Variants in BANK1 observed in about 807,000 individuals in gnomAD.
BANK1 encodes B-cell scaffold protein with ankyrin repeats.
BANK1 carries 95 observed loss-of-function variants against 94.5 expected under a neutral mutation model. The observed-to-expected ratio is 1.00, with a 90% CI of 0.85 to 1.19. The LOEUF is 1.19. BANK1 is among the 50% of genes most tolerant of loss of function. The probability of loss-of-function intolerance (pLI) is 0.00; values close to 1 mark genes in which losing one functional copy is unlikely to be tolerated. For synonymous variants in BANK1, 334 were observed against 308.4 expected (o/e 1.08, Z -0.87); for missense variants, 987 against 932.2 (o/e 1.06, Z -0.77).
chr4:102,011,673 G>T (rs111658204), intron 7 of BANK1, among the ~76,000 whole-genome samples: 366 of 152,240 alleles, frequency 2.4e-3, no homozygotes, highest in Non-Finnish European at 4.5e-3. Flanking sequence ...GTGGGGGGAA[G>T]TATGTTTCTT....
intron 14 of BANK1, among the ~76,000 whole-genome samples, chr4:102,071,584 C>A (rs543257974): frequency 6.6e-6 from 1 of 152,304 alleles, no homozygotes; most frequent in Non-Finnish European, 1.5e-5. Flanking sequence ...TGTGGCAAGT[C>A]ACTTACGCTC....
chr4:102,033,527 A>T (rs1727398862), intron 10 of BANK1, among the ~76,000 whole-genome samples: 1 of 152,212 alleles, frequency 6.6e-6, no homozygotes, highest in Non-Finnish European at 1.5e-5. Context: ...AAGTATGTAA[A>T]TTTTGTACAT....
chr4:101,944,860 T>C (rs1723878129), intron 7 of BANK1, among the ~76,000 whole-genome samples: 1 of 151,984 alleles, frequency 6.6e-6, no homozygotes, highest in African/African-American at 2.4e-5. Context: ...AAAGTTTGCA[T>C]GTGGAGTGAG....
intron 6 of BANK1, among the ~76,000 whole-genome samples, chr4:101,912,221 C>G (rs1483218328): frequency 6.6e-6 from 1 of 152,110 alleles, no homozygotes; most frequent in Non-Finnish European, 1.5e-5. Flanking sequence ...CCACTGTATA[C>G]CACACTCTAT....
chr4:101,938,557 G>A (rs1168643583), intron 7 of BANK1, among the ~76,000 whole-genome samples: 1 of 151,420 alleles, frequency 6.6e-6, no homozygotes, highest in Admixed American at 6.6e-5. Flanking sequence ...AATATTTCAT[G>A]TACCCCTTAA....
At chr4:101,877,312 G>A (rs951240155) in intron 5 of BANK1, among the ~76,000 whole-genome samples, 1 of 152,146 alleles carries the variant, frequency 6.6e-6, no homozygotes, top group Non-Finnish European at 1.5e-5. Flanking sequence ...AAGGATGTCT[G>A]TGAGCAATAA....
At chr4:101,963,625 A>ATT (rs1361080131) in intron 7 of BANK1, among the ~76,000 whole-genome samples, 1 of 152,148 alleles carries the variant, frequency 6.6e-6, no homozygotes, top group Non-Finnish European at 1.5e-5. Context: ...CTATTTATTC[A>ATT]TTAATTCATT....
At chr4:101,917,119 C>A (rs1337290626) in intron 6 of BANK1, among the ~76,000 whole-genome samples, 1 of 151,882 alleles carries the variant, frequency 6.6e-6, no homozygotes, top group Non-Finnish European at 1.5e-5. Flanking sequence ...GGCTGTTTTC[C>A]ATTGCTTTAA....
At chr4:101,996,660 G>A (rs1338474245) in intron 7 of BANK1, among the ~76,000 whole-genome samples, 1 of 152,144 alleles carries the variant, frequency 6.6e-6, no homozygotes, top group African/African-American at 2.4e-5. Flanking sequence ...CTTGTAAGTT[G>A]TATTCCTAGG....
At chr4:101,886,765 G>T (rs1002023397) in intron 5 of BANK1, among the ~76,000 whole-genome samples, 23 of 147,758 alleles carry the variant, frequency 1.6e-4, no homozygotes, top group Middle Eastern at 3.4e-3. Context: ...ATATATTGGG[G>T]GGGGGGGCAT....
intron 5 of BANK1, among the ~76,000 whole-genome samples, chr4:101,878,217 C>T (rs1014380325): frequency 1.3e-5 from 2 of 151,694 alleles, no homozygotes; most frequent in African/African-American, 4.8e-5. Context: ...ACAAGAAATG[C>T]ACTCTATAAA....
intron 7 of BANK1, among the ~76,000 whole-genome samples, chr4:101,986,807 A>ATATGTATATATATGTGTATATG (rs1725497320): frequency 1.2e-5 from 1 of 84,002 alleles, no homozygotes; most frequent in Non-Finnish European, 2.5e-5. Flanking sequence ...ATGTGTATAT[A>ATATGTATATATATGTGTATATG]TATGTATATA....
chr4:101,964,236 G>A (rs1724669793), intron 7 of BANK1, among the ~76,000 whole-genome samples: 2 of 152,030 alleles, frequency 1.3e-5, no homozygotes, highest in South Asian at 4.1e-4. Context: ...ATGGACTAAA[G>A]TTTGGTGGGC....
intron 7 of BANK1, among the ~76,000 whole-genome samples, chr4:101,948,340 C>G (rs1230572867): frequency 1.3e-5 from 2 of 152,006 alleles, no homozygotes; most frequent in Non-Finnish European, 2.9e-5. Flanking sequence ...CCATCCTCAG[C>G]CAAATTTCCT....
intron 7 of BANK1, among the ~76,000 whole-genome samples, chr4:102,011,093 T>G (rs938462510): frequency 6.6e-5 from 10 of 152,220 alleles, no homozygotes; most frequent in Admixed American, 3.3e-4. Context: ...CATATCTTAC[T>G]ATGAAATCAT....
At chr4:101,918,249 G>A in intron 7 of BANK1, 60 bp downstream of exon 7, 6 of 1,214,272 alleles carry the variant, frequency 4.9e-6, no homozygotes, top group Non-Finnish European at 6.6e-6. Flanking sequence ...AGAAGAGACT[G>A]TAAGAAGAAA....
At chr4:101,798,033 G>C (rs1725218627) in intron 1 of BANK1, among the ~76,000 whole-genome samples, 1 of 152,192 alleles carries the variant, frequency 6.6e-6, no homozygotes, top group Non-Finnish European at 1.5e-5. Context: ...GATACAGTGA[G>C]AAGAATTCAA....
intron 7 of BANK1, among the ~76,000 whole-genome samples, chr4:101,974,563 A>G (rs929067030): frequency 2.6e-5 from 4 of 152,166 alleles, no homozygotes; most frequent in Non-Finnish European, 5.9e-5. Flanking sequence ...ATGGTCTCCA[A>G]TAGTTTGTTG....
chr4:101,939,130 G>T lies in BANK1; in HGVS notation c.1206+20941G>T, dbSNP rs1011117244. 4.0e-5 allele frequency among the ~76,000 whole-genome samples: 6 copies of T among 151,610 alleles called. No homozygotes were observed. The South Asian group carries it at 8.3e-4, about 21-fold the overall frequency. ...AAGAATCCATTTCTTTCCCAAATGG[G>T]TTCTGCAGTCAGAGCTATTTCCAGT... On this transcript the variant is annotated intron_variant, in intron 7 of 16. Transcript: ENST00000322953.
Sources: allele counts gnomAD v4.1 joint callset (sites outside exome capture counted in the v4.1 genomes callset), GRCh38; gene constraint gnomAD v4.1.1; transcripts MANE v1.5; gene names NCBI Gene and HGNC (gene_info 2026-07-23, HGNC 2026-07-21).